UTS2B: variants seen among roughly 807,000 people sequenced by gnomAD.
UTS2B encodes the protein urotensin 2B, also known as urotensin-2B.
UTS2B carries 21 observed loss-of-function variants against 19.2 expected under a neutral mutation model. The ratio of observed to expected loss-of-function variants is 1.09; its 90% confidence interval spans 0.78 to 1.58. The LOEUF (loss-of-function observed/expected upper bound fraction) is 1.58. Ranked by LOEUF, UTS2B falls within the 40% of genes most tolerant of loss-of-function variation. The probability of loss-of-function intolerance (pLI) is 0.00; values close to 1 mark genes in which losing one functional copy is unlikely to be tolerated. For missense variants in UTS2B, 138 were observed against 130.3 expected (o/e 1.06, Z -0.29); for synonymous variants, 57 against 50.2 (o/e 1.14, Z -0.58).
chr3:191,275,035 A>G (rs562927568), intron 8 of UTS2B, among the ~76,000 whole-genome samples: 3 of 152,342 alleles, frequency 2.0e-5, no homozygotes, highest in South Asian at 4.1e-4. Context: ...TTTTATTTAA[A>G]CCTGAGAAGT....
chr3:191,270,587 A>T (rs1056131547), intron 8 of UTS2B, among the ~76,000 whole-genome samples: 3 of 151,898 alleles, frequency 2.0e-5, no homozygotes, highest in South Asian at 2.1e-4. Context: ...TGATATACCA[A>T]TTTTTTTTCT....
At chr3:191,329,941 T>TG (rs201807267) in intron 1 of UTS2B, among the ~76,000 whole-genome samples, 1 of 5,350 alleles carries the variant, frequency 1.9e-4, no homozygotes, top group Non-Finnish European at 5.0e-4. Context: ...AAGGGGGTGG[T>TG]TGGGGGGGGG....
At chr3:191,295,196 T>C (rs1716826110) in intron 4 of UTS2B, among the ~76,000 whole-genome samples, 1 of 152,032 alleles carries the variant, frequency 6.6e-6, no homozygotes, top group Non-Finnish European at 1.5e-5. Flanking sequence ...CCTCTAATAC[T>C]TTTCACATGT....
At chr3:191,344,351 T>C in the UTS2B span, among the ~76,000 whole-genome samples, 1 of 152,210 alleles carries the variant, frequency 6.6e-6, no homozygotes. Context: ...TCCAGAATAG[T>C]AGCCACCAGC....
chr3:191,346,070 T>C, the UTS2B span, among the ~76,000 whole-genome samples: 12 of 152,198 alleles, frequency 7.9e-5, no homozygotes, highest in African/African-American at 2.9e-4. Flanking sequence ...ATATTTCTCT[T>C]CTTACATTGG....
chr3:191,270,316 T>A (rs1233148814), intron 8 of UTS2B, among the ~76,000 whole-genome samples: 2 of 152,052 alleles, frequency 1.3e-5, no homozygotes. Flanking sequence ...CCAGTCTCAA[T>A]CTCATGAGTA....
the UTS2B span, among the ~76,000 whole-genome samples, chr3:191,341,316 C>T: frequency 3.9e-5 from 6 of 152,234 alleles, no homozygotes; most frequent in South Asian, 8.3e-4. Flanking sequence ...TGCTTTCTTT[C>T]GCCCTTCACA....
At chr3:191,323,329 C>T (rs1717660066) in intron 2 of UTS2B, among the ~76,000 whole-genome samples, 2 of 152,128 alleles carry the variant, frequency 1.3e-5, no homozygotes, top group African/African-American at 4.8e-5. Context: ...ACACCATGCC[C>T]AGCTAATTCT....
upstream of UTS2B, among the ~76,000 whole-genome samples, chr3:191,333,366 G>A (rs578217084): frequency 3.9e-5 from 6 of 152,228 alleles, no homozygotes; most frequent in South Asian, 1.2e-3. Flanking sequence ...CCTTCAAGGG[G>A]GAAAGATATA....
chr3:191,343,997 C>T, the UTS2B span, among the ~76,000 whole-genome samples: 1 of 152,192 alleles, frequency 6.6e-6, no homozygotes, highest in African/African-American at 2.4e-5. Context: ...AAAACTATCA[C>T]ATTAGGCCTG....
chr3:191,317,974 A>G (rs1279881117), intron 2 of UTS2B, among the ~76,000 whole-genome samples: 1 of 152,192 alleles, frequency 6.6e-6, no homozygotes, highest in East Asian at 1.9e-4. Flanking sequence ...CAAGGCTTAT[A>G]AGTCTCAGAA....
At chr3:191,292,344 T>C (rs1160556777) in intron 4 of UTS2B, among the ~76,000 whole-genome samples, 1 of 152,190 alleles carries the variant, frequency 6.6e-6, no homozygotes, top group African/African-American at 2.4e-5. Context: ...CTCCTAAATA[T>C]GTTATATTTT....
chr3:191,294,076 C>G (rs1034514080), intron 4 of UTS2B, among the ~76,000 whole-genome samples: 1 of 151,702 alleles, frequency 6.6e-6, no homozygotes, highest in Non-Finnish European at 1.5e-5. Flanking sequence ...CCATTGCACT[C>G]CAGCCTGGGC....
intron 4 of UTS2B, among the ~76,000 whole-genome samples, chr3:191,300,961 T>C (rs1410766151): frequency 1.3e-5 from 2 of 152,262 alleles, no homozygotes; most frequent in Admixed American, 6.5e-5. Flanking sequence ...GGTATTTATT[T>C]ATAGCAGTTT....
chr3:191,321,239 T>G (rs1000417869), intron 2 of UTS2B, among the ~76,000 whole-genome samples: 44 of 152,190 alleles, frequency 2.9e-4, no homozygotes, highest in African/African-American at 1.0e-3. Flanking sequence ...TACAGTACAG[T>G]GGCAGTCAGT....
intron 2 of UTS2B, among the ~76,000 whole-genome samples, chr3:191,325,638 C>A (rs891711182): frequency 1.3e-5 from 2 of 152,182 alleles, no homozygotes; most frequent in Admixed American, 1.3e-4. Flanking sequence ...AGTAAAGAGG[C>A]CTAAACTGTA....
intron 5 of UTS2B, among the ~76,000 whole-genome samples, chr3:191,278,899 C>T (rs568972236): frequency 1.3e-5 from 2 of 152,118 alleles, no homozygotes; most frequent in South Asian, 4.1e-4. Flanking sequence ...GTGAGATGGT[C>T]TGAAAAATCA....
At chr3:191,305,132 C>T (rs1434648836) in intron 3 of UTS2B, among the ~76,000 whole-genome samples, 5 of 152,082 alleles carry the variant, frequency 3.3e-5, no homozygotes, top group Non-Finnish European at 5.9e-5. Flanking sequence ...TAAACATATG[C>T]ATGCATGTGT....
chr3:191,282,837 T>C (rs1240316237), intron 4 of UTS2B, among the ~76,000 whole-genome samples: 1 of 152,210 alleles, frequency 6.6e-6, no homozygotes, highest in Non-Finnish European at 1.5e-5. Flanking sequence ...TTCATTTTGT[T>C]TCAAGCAGCT....
Sources: gnomAD v4.1 joint callset for allele counts (sites outside exome capture counted in the v4.1 genomes callset) on GRCh38, gnomAD v4.1.1 for gene constraint, MANE v1.5 for transcripts, NCBI Gene and HGNC (gene_info 2026-07-23, HGNC 2026-07-21) for gene names.